Variants in NT5DC3 observed in about 807,000 individuals in gnomAD.
NT5DC3 encodes the protein 5'-nucleotidase domain containing 3, also known as 5'-nucleotidase domain-containing protein 3.
Under a neutral mutation model 67.8 loss-of-function variants are expected in NT5DC3, and 42 were observed. That is an observed-to-expected ratio of 0.62 (90% CI 0.48 to 0.80). NT5DC3 has a LOEUF of 0.80. Among genes scored for constraint, NT5DC3 ranks in the 30% least tolerant of loss-of-function variants. The probability of loss-of-function intolerance (pLI) is 0.00; values close to 1 mark genes in which losing one functional copy is unlikely to be tolerated. For synonymous variants in NT5DC3, 237 were observed against 255.6 expected (o/e 0.93, Z 0.69); for missense variants, 570 against 696.4 (o/e 0.82, Z 2.04).
chr12:103,780,983 TA>T lies in NT5DC3; in HGVS notation c.1330-620del, dbSNP rs931443726. 1.6e-3 allele frequency among the ~76,000 whole-genome samples: 197 copies of T among 126,444 alleles called. 3 individuals are homozygous for T. Among genetic ancestry groups the T allele is most frequent in the African/African-American group, 5.0e-3 (187 of 37,602 alleles). The allele number at this position is 126,444 out of a possible 152,430, so 83.0% of individuals were successfully genotyped here. A position where few individuals can be genotyped will look rare whatever the true frequency, so the allele number is the denominator to read the frequency against. On this transcript the variant is annotated intron_variant, in intron 12 of 13. Transcript: ENST00000392876. ...TAAGTGTTTAATTTAAAAAAACAAT[TA>T]TTTTTTTGCAAAAGGCAAGAAGGCA...
intron 1 of NT5DC3, among the ~76,000 whole-genome samples, chr12:103,819,134 T>C (rs1160157827): frequency 6.6e-6 from 1 of 152,168 alleles, no homozygotes; most frequent in Non-Finnish European, 1.5e-5. Flanking sequence ...AAAAGCTGCA[T>C]GGGAATTCCC....
In NT5DC3 at chr12:103,787,627, CTTATT is replaced by C. The variant is rs1174151168; in HGVS notation, c.1102-105_1102-101del. On this transcript the variant is annotated intron_variant, in intron 10 of 13. Transcript: ENST00000392876. ...CTTTTAAAAATTGTTGTTTTTATAA[CTTATT>C]TTAAATATCAAAATATAAAGATAAA... 5.6e-5 allele frequency: 32 copies of C among 575,774 alleles called. No individual in the cohort carries two copies. In the Admixed American group the frequency reaches 1.1e-3, roughly 19 times the overall value. 35.7% of individuals were successfully genotyped at this position (575,774 alleles called of 1,614,324 possible). A position where few individuals can be genotyped will look rare whatever the true frequency, so the allele number is the denominator to read the frequency against.
chr12:103,781,846 C>T (rs1407623060), intron 12 of NT5DC3, among the ~76,000 whole-genome samples: 3 of 152,200 alleles, frequency 2.0e-5, no homozygotes, highest in Admixed American at 6.5e-5. Context: ...ATCCTACAGG[C>T]ACTTCAGCCA....
chr12:103,830,097 T>C (rs1438593517), intron 1 of NT5DC3, among the ~76,000 whole-genome samples: 1 of 152,206 alleles, frequency 6.6e-6, no homozygotes, highest in African/African-American at 2.4e-5. Flanking sequence ...TACTACGCAA[T>C]AGGCGCTATT....
the NT5DC3 span, chr12:103,763,441 CGCTCCTGCTTTGGGGAT>C: frequency 6.4e-7 from 1 of 1,561,336 alleles, no homozygotes; most frequent in African/African-American, 1.4e-5. Context: ...TTGGCTGAGA[CGCTCCTGCTTTGGGGAT>C]GCTCCTGGCT....
chr12:103,776,930 C>CATA lies in NT5DC3; in HGVS notation c.*896_*898dup, dbSNP rs1203878565. ...CAATTCAACTGGGTGGGTGGCATGGCATAGCATTTCATGACAAAGATGCTT... is the reference window on the plus strand; with the variant it reads ...CAATTCAACTGGGTGGGTGGCATGGCATAATAGCATTTCATGACAAAGATGCTT... On this transcript the variant is annotated 3_prime_UTR_variant, in exon 14 of 14. Transcript: ENST00000392876. The CATA allele has an allele frequency of 6.6e-6, 1 of 152,234 alleles. No individual in the cohort carries two copies. Among genetic ancestry groups the CATA allele is most frequent in the Non-Finnish European group, 1.5e-5 (1 of 68,046 alleles). 9.4% of individuals were successfully genotyped at this position (152,234 alleles called of 1,614,324 possible).
the NT5DC3 span, among the ~76,000 whole-genome samples, chr12:103,754,202 T>C: frequency 6.6e-6 from 1 of 152,102 alleles, no homozygotes; most frequent in African/African-American, 2.4e-5. Flanking sequence ...AAGGAGAATC[T>C]GAATCTCTGC....
the NT5DC3 span, chr12:103,750,838 C>A: frequency 1.1e-5 from 15 of 1,364,712 alleles, no homozygotes; most frequent in African/African-American, 1.5e-5. Context: ...AGCCTGTAAT[C>A]CCAATACTTT....
At chr12:103,837,635 G>A (rs1481532596) in intron 1 of NT5DC3, among the ~76,000 whole-genome samples, 2 of 152,170 alleles carry the variant, frequency 1.3e-5, no homozygotes, top group African/African-American at 4.8e-5. Flanking sequence ...CTAGGGCAGG[G>A]GCAAAATGCC....
At chr12:103,762,412 A>G in the NT5DC3 span, 2 of 1,614,148 alleles carry the variant, frequency 1.2e-6, no homozygotes, top group South Asian at 2.2e-5. Context: ...GGTAAGAGAG[A>G]AAAATGGGAA....
the NT5DC3 span, chr12:103,749,285 T>G: frequency 9.6e-5 from 107 of 1,117,486 alleles, no homozygotes; most frequent in South Asian, 1.1e-4. Flanking sequence ...ACAGTCTGTT[T>G]CTTGTTAAAA....
chr12:103,828,696 CTTTTTATTTTTTTTT>C (rs1184800270), intron 1 of NT5DC3, among the ~76,000 whole-genome samples: 2 of 136,352 alleles, frequency 1.5e-5, no homozygotes, highest in African/African-American at 2.7e-5. Context: ...TTTTTTCTTT[CTTTTTATTTTTTTTT>C]TTTGGAGACG....
chr12:103,816,924 A>G (rs1473024128), intron 1 of NT5DC3, among the ~76,000 whole-genome samples: 2 of 151,926 alleles, frequency 1.3e-5, no homozygotes, highest in African/African-American at 4.8e-5. Context: ...AAGAAGGTAT[A>G]AAAGAAGTCT....
intron 1 of NT5DC3, among the ~76,000 whole-genome samples, chr12:103,824,944 T>C (rs1041368429): frequency 2.6e-5 from 4 of 152,186 alleles, no homozygotes; most frequent in African/African-American, 9.7e-5. Flanking sequence ...TTACCATATC[T>C]ACAATGTGCC....
downstream of NT5DC3, chr12:103,766,164 C>A: frequency 1.5e-6 from 2 of 1,320,932 alleles, no homozygotes; most frequent in Non-Finnish European, 1.1e-6. Context: ...CAAACACGCC[C>A]AGCACATACG....
intron 1 of NT5DC3, among the ~76,000 whole-genome samples, chr12:103,815,503 C>T (rs899504128): frequency 3.3e-5 from 5 of 152,110 alleles, no homozygotes; most frequent in African/African-American, 1.2e-4. Flanking sequence ...CTCACTGCAG[C>T]CTCAATCTCT....
At chr12:103,833,975 G>A (rs981004037) in intron 1 of NT5DC3, among the ~76,000 whole-genome samples, 4 of 152,104 alleles carry the variant, frequency 2.6e-5, no homozygotes, top group South Asian at 4.1e-4. Flanking sequence ...ATTTTAGAAC[G>A]AGGATTCTCA....
intron 9 of NT5DC3, 27 bp from the exon 10 acceptor site, chr12:103,788,946 G>A (rs755110650): frequency 3.5e-6 from 5 of 1,415,342 alleles, no homozygotes; most frequent in Non-Finnish European, 5.0e-6. Context: ...GAAACATTAT[G>A]ACATGGAGTA....
At chr12:103,818,720 C>A (rs1033721408) in intron 1 of NT5DC3, among the ~76,000 whole-genome samples, 1 of 152,154 alleles carries the variant, frequency 6.6e-6, no homozygotes, top group Non-Finnish European at 1.5e-5. Context: ...TAAGACATAT[C>A]TGTTACAGAC....
Sources: gnomAD v4.1 joint callset for allele counts (sites outside exome capture counted in the v4.1 genomes callset) on GRCh38, gnomAD v4.1.1 for gene constraint, MANE v1.5 for transcripts, NCBI Gene and HGNC (gene_info 2026-07-23, HGNC 2026-07-21) for gene names.